The following MPHOSPH8 variants were observed in gnomAD, a reference collection of about 807,000 sequenced individuals.
MPHOSPH8 encodes M-phase phosphoprotein, mpp.
Under a neutral mutation model 87.3 loss-of-function variants are expected in MPHOSPH8, and 45 were observed. That is an observed-to-expected ratio of 0.52 (90% confidence interval 0.41 to 0.66). The LOEUF is 0.66. MPHOSPH8 is among the 30% of genes least tolerant of loss of function. The probability of loss-of-function intolerance (pLI) is 0.00; values close to 1 mark genes in which losing one functional copy is unlikely to be tolerated. For missense variants in MPHOSPH8, 883 were observed against 1,020.2 expected (o/e 0.87, Z 1.83); for synonymous variants, 366 against 376.9 (o/e 0.97, Z 0.33).
At chr13:19,671,709 A>G in intron 13 of MPHOSPH8, 125 bp from the exon 14 acceptor site, 3 of 801,554 alleles carry the variant, frequency 3.7e-6, no homozygotes, top group Middle Eastern at 4.7e-4. Context: ...AACAATGTAA[A>G]TTGATAAGCA....
At chr13:19,656,300 A>AAAC in intron 5 of MPHOSPH8, among the ~76,000 whole-genome samples, 1 of 150,338 alleles carries the variant, frequency 6.7e-6, no homozygotes, top group Non-Finnish European at 1.5e-5. Flanking sequence ...AAAAAAAAAA[A>AAAC]CTGTCGTCAT....
In MPHOSPH8 at chr13:19,670,456, A is replaced by G; in HGVS notation, c.2457+93A>G. ...TTAAATTCCTGTGTCTTAATAAAAT[A>G]TAAGCATTCAGAAAACGATCCAGTA... On this transcript the variant is annotated intron_variant, in intron 12 of 13. Coordinates refer to ENST00000361479, the MANE Select transcript of MPHOSPH8 (RefSeq NM_017520.4). 3.6e-6 allele frequency: 5 copies of G among 1,396,038 alleles called. No individual in the cohort carries two copies. The South Asian group carries it at 4.0e-5, about 11-fold the overall frequency. The allele number at this position is 1,396,038 out of a possible 1,614,324, so 86.5% of individuals were successfully genotyped here. A position where few individuals can be genotyped will look rare whatever the true frequency, so the allele number is the denominator to read the frequency against.
At chr13:19,644,309 T>A (rs1874459833) in intron 2 of MPHOSPH8, among the ~76,000 whole-genome samples, 1 of 152,224 alleles carries the variant, frequency 6.6e-6, no homozygotes, top group Admixed American at 6.5e-5. Flanking sequence ...ATATCTAATT[T>A]GAAATACTGT....
At position 19,671,936 on chromosome 13, in the gene MPHOSPH8, C is replaced by A; in HGVS notation, c.*61C>A. On this transcript the variant is annotated 3_prime_UTR_variant, in exon 14 of 14. Transcript: ENST00000361479. ...CCGATTCCTATACTCTCTTTGACAGCAGTTTGGAATTCTTCTAGCACATCT... is the reference window on the plus strand; with the variant it reads ...CCGATTCCTATACTCTCTTTGACAGAAGTTTGGAATTCTTCTAGCACATCT... 1 of 1,535,700 alleles carries A rather than the reference C, an allele frequency of 6.5e-7. No individual in the cohort carries two copies. The highest frequency in any genetic ancestry group is 9.0e-7 in the Non-Finnish European group (1 of 1,110,830).
chr13:19,633,958 G>C lies in MPHOSPH8; in HGVS notation c.210G>C (p.Glu70Asp). Residue 70 changes from glutamate to aspartate, a missense_variant, in exon 1 of 14, where the codon GAG (glutamate) becomes GAC (aspartate). By Grantham distance (45) the Glu-to-Asp change is conservative. Transcript: ENST00000361479. Reference sequence around the variant, plus strand: ...AGAAGATCCTGGACATGAAGACCGAGGGGGTATGTGGAGGGGCCCCGGCGC... The same window carrying C: ...AGAAGATCCTGGACATGAAGACCGACGGGGTATGTGGAGGGGCCCCGGCGC... Reference protein sequence around the residue: ...EVEKILDMKTEGGKVLYKVRW... With the variant: ...EVEKILDMKTDGGKVLYKVRW... The C allele has an allele frequency of 6.2e-7, 1 of 1,606,424 alleles. No individual in the cohort carries two copies. The highest frequency in any genetic ancestry group is 1.1e-5 in the South Asian group (1 of 89,332).
At chr13:19,667,407 G>T (rs1033534448) in intron 10 of MPHOSPH8, among the ~76,000 whole-genome samples, 2 of 152,104 alleles carry the variant, frequency 1.3e-5, no homozygotes, top group African/African-American at 4.8e-5. Context: ...GGGCTCACTC[G>T]TAGTGTTACC....
chr13:19,668,664 T>A, intron 11 of MPHOSPH8, 133 bp downstream of exon 11: 2 of 957,028 alleles, frequency 2.1e-6, no homozygotes, highest in Non-Finnish European at 3.0e-6. Context: ...GCAGACCGGT[T>A]AACAGTAGAG....
chr13:19,646,578 A>C lies in MPHOSPH8; in HGVS notation c.505A>C (p.Lys169Gln). ...AGAAGAGAAAAGCCCAGATGATCTG[A>C]AAAAGAAAAAAGCAAAGGCCGGGAA... ...QREEKSPDDL[K>Q]KKKAKAGKLK... The change falls in exon 3 of 14, where the codon AAA becomes CAA. Residue 169 changes from lysine (K) to glutamine (Q), a missense_variant. By Grantham distance (53) the Lys-to-Gln change is moderately conservative. Coordinates refer to ENST00000361479, the MANE Select transcript of MPHOSPH8 (RefSeq NM_017520.4). 6.3e-7 allele frequency: 1 copy of C among 1,584,212 alleles called. No individual in the cohort carries two copies. Among genetic ancestry groups the C allele is most frequent in the Non-Finnish European group, 8.5e-7 (1 of 1,173,234 alleles).
chr13:19,643,126 T>C (rs911347480), intron 2 of MPHOSPH8, among the ~76,000 whole-genome samples: 1 of 152,202 alleles, frequency 6.6e-6, no homozygotes, highest in Non-Finnish European at 1.5e-5. Context: ...TGAGTAAACA[T>C]GGAGTGTCTC....
chr13:19,658,516 G>C (rs1875329905), intron 5 of MPHOSPH8, among the ~76,000 whole-genome samples: 1 of 152,182 alleles, frequency 6.6e-6, no homozygotes, highest in African/African-American at 2.4e-5. Flanking sequence ...GAGGCTTCCA[G>C]ATGTAGGGGC....
intron 1 of MPHOSPH8, among the ~76,000 whole-genome samples, chr13:19,635,375 A>G (rs995129303): frequency 6.6e-6 from 1 of 152,254 alleles, no homozygotes; most frequent in African/African-American, 2.4e-5. Flanking sequence ...AAAAAATACA[A>G]AAATTAGCTG....
At position 19,633,680 on chromosome 13, in the gene MPHOSPH8, C is replaced by A. The variant is rs995017957; in HGVS notation, c.-69C>A. On this transcript the variant is annotated 5_prime_UTR_variant, in exon 1 of 14. Transcript: ENST00000361479. ...CGCTGATGTGGAGTAGGGCCGAGCG[C>A]GGAACGCGAGGGGCTGCTGGGGTGT... 12 of 1,520,214 alleles carry A rather than the reference C, an allele frequency of 7.9e-6. No individual in the cohort carries two copies. Among genetic ancestry groups the A allele is most frequent in the African/African-American group, 1.4e-5 (1 of 72,614 alleles). The allele number at this position is 1,520,214 out of a possible 1,614,324, so 94.2% of individuals were successfully genotyped here.
intron 12 of MPHOSPH8, 25 bp from the exon 13 acceptor site, chr13:19,671,181 C>CTTTTTTT (rs746456659): frequency 6.2e-7 from 1 of 1,602,554 alleles, no homozygotes; most frequent in Non-Finnish European, 8.5e-7. Context: ...AAAACACTGA[C>CTTTTTTT]TTTTTTTTTC....
At chr13:19,655,517 T>C (rs1344970045) in intron 5 of MPHOSPH8, among the ~76,000 whole-genome samples, 1 of 152,000 alleles carries the variant, frequency 6.6e-6, no homozygotes, top group Non-Finnish European at 1.5e-5. Flanking sequence ...TTTAGCAGCA[T>C]GAGTTATAAT....
intron 2 of MPHOSPH8, among the ~76,000 whole-genome samples, chr13:19,644,748 T>A (rs1874482107): frequency 1.3e-5 from 2 of 152,212 alleles, no homozygotes; most frequent in Non-Finnish European, 1.5e-5. Flanking sequence ...GCAGATTCCT[T>A]AGTGCACATT....
rs765458758 is a variant in MPHOSPH8, at chr13:19,646,426, T to C, written c.370-17T>C. On this transcript the variant is annotated splice_polypyrimidine_tract_variant and intron_variant, in intron 2 of 13. Transcript: ENST00000361479. ...CAATATGTTAATGAATATTTTAATC[T>C]GTTTTGTATTTTATAGAGACTATCC... is the stretch of plus-strand genomic sequence containing the variant. 7.1e-7 allele frequency: 1 copy of C among 1,401,900 alleles called. No homozygotes were observed. Among genetic ancestry groups the C allele is most frequent in the Non-Finnish European group, 9.3e-7 (1 of 1,071,926 alleles). The allele number at this position is 1,401,900 out of a possible 1,614,324, so 86.8% of individuals were successfully genotyped here. A position where few individuals can be genotyped will look rare whatever the true frequency, so the allele number is the denominator to read the frequency against.
At chr13:19,662,129 T>C (rs1229511849) in intron 8 of MPHOSPH8, among the ~76,000 whole-genome samples, 4 of 151,938 alleles carry the variant, frequency 2.6e-5, no homozygotes, top group East Asian at 1.9e-4. Flanking sequence ...TTAGTAGAGA[T>C]GGGGTTTCAC....
chr13:19,642,083 C>T, intron 1 of MPHOSPH8, 32 bp from the exon 2 acceptor site: 1 of 1,088,784 alleles, frequency 9.2e-7, no homozygotes, highest in Non-Finnish European at 1.2e-6. Context: ...TAGCAATCTG[C>T]TTTATTTGCC....
intron 1 of MPHOSPH8, 119 bp downstream of exon 1, chr13:19,634,080 T>G: frequency 2.9e-6 from 3 of 1,022,480 alleles, no homozygotes; most frequent in Non-Finnish European, 4.4e-6. Context: ...ATGTGAGAGT[T>G]CAATGCAAGC....
Sources: allele counts gnomAD v4.1 joint callset (sites outside exome capture counted in the v4.1 genomes callset), GRCh38; gene constraint gnomAD v4.1.1; transcripts MANE v1.5; gene names NCBI Gene and HGNC (gene_info 2026-07-23, HGNC 2026-07-21).